The following METTL15 variants were observed in gnomAD, a reference collection of about 807,000 sequenced individuals.
METTL15 encodes the protein 12S rRNA N(4)-cytidine methyltransferase METTL15.
Under a neutral mutation model 38.3 loss-of-function variants are expected in METTL15, and 34 were observed. That is an observed-to-expected ratio of 0.89 (90% CI 0.68 to 1.18). The LOEUF is 1.18. Ranked by LOEUF, METTL15 falls within the 50% of genes most tolerant of loss-of-function variation. The pLI, the probability that METTL15 is intolerant of heterozygous loss-of-function variation, is 0.00. For missense variants in METTL15, 438 were observed against 498.4 expected (o/e 0.88, Z 1.15); for synonymous variants, 162 against 170.9 (o/e 0.95, Z 0.41).
At chr11:28,223,964 G>T (rs1253026430) in intron 4 of METTL15, among the ~76,000 whole-genome samples, 4 of 151,962 alleles carry the variant, frequency 2.6e-5, no homozygotes, top group African/African-American at 9.7e-5. Context: ...ACTAAGTTTA[G>T]AGAATATAGG....
chr11:28,514,000 C>T (rs1479063740), intron 6 of METTL15, among the ~76,000 whole-genome samples: 2 of 152,176 alleles, frequency 1.3e-5, no homozygotes, highest in Non-Finnish European at 2.9e-5. Flanking sequence ...GGGGCCTGTT[C>T]CCAACAATGG....
intron 5 of METTL15, among the ~76,000 whole-genome samples, chr11:28,363,609 G>T (rs58502887): frequency 6.6e-6 from 1 of 152,100 alleles, no homozygotes; most frequent in Non-Finnish European, 1.5e-5. Context: ...TGCATAGTTT[G>T]CAAATATTTT....
chr11:28,163,736 A>G (rs1003886296), intron 3 of METTL15: 4 of 309,224 alleles, frequency 1.3e-5, no homozygotes, highest in Non-Finnish European at 2.3e-5. Context: ...TTAGTGAGCT[A>G]TTTTTATTGT....
chr11:28,524,740 T>C (rs897014537), intron 6 of METTL15, among the ~76,000 whole-genome samples: 2 of 152,132 alleles, frequency 1.3e-5, no homozygotes, highest in South Asian at 4.1e-4. Flanking sequence ...ATACAGTAAA[T>C]TGAAGGGAGC....
intron 4 of METTL15, among the ~76,000 whole-genome samples, chr11:28,249,921 A>G (rs1338663904): frequency 2.6e-5 from 4 of 151,714 alleles, no homozygotes; most frequent in African/African-American, 4.8e-5. Context: ...TTTTTCCCCT[A>G]TGTCCATGTG....
In METTL15 at chr11:28,137,902, A is replaced by G. The variant is rs117693579; in HGVS notation, c.270+24298A>G. Reference sequence around the variant, plus strand: ...ACATAACACATGTATGATTATACAGACACAGACAGAAGAAGATCCAGTAAT... The same window carrying G: ...ACATAACACATGTATGATTATACAGGCACAGACAGAAGAAGATCCAGTAAT... On this transcript the variant is annotated intron_variant, in intron 3 of 6. Coordinates refer to ENST00000407364, the MANE Select transcript of METTL15 (RefSeq NM_001113528.2). Among the ~76,000 whole-genome samples the G allele has an allele frequency of 1.9e-3, 291 of 152,248 alleles. 1 individual carries two copies. The highest frequency in any genetic ancestry group is 6.8e-3 in the Middle Eastern group (2 of 292).
chr11:28,151,028 A>G (rs1386388252), intron 3 of METTL15, among the ~76,000 whole-genome samples: 1 of 151,110 alleles, frequency 6.6e-6, no homozygotes, highest in African/African-American at 2.4e-5. Context: ...AAAAAAAAGA[A>G]AAGGAAAAAA....
Position 28,238,637 on chromosome 11 carries a change from C to T in METTL15, c.407+27439C>T, listed in dbSNP as rs564201338. On this transcript the variant is annotated intron_variant, in intron 4 of 6. Transcript: ENST00000407364. ...ACTGTCCTGCGCCCACTGTCTGGCACTCCCTAGTGAGATGAACCCGGTACC... is the reference window on the plus strand; with the variant it reads ...ACTGTCCTGCGCCCACTGTCTGGCATTCCCTAGTGAGATGAACCCGGTACC... Among the ~76,000 whole-genome samples the T allele has an allele frequency of 2.6e-3, 391 of 152,348 alleles. 4 individuals are homozygous for T. The highest frequency in any genetic ancestry group is 8.6e-3 in the African/African-American group (359 of 41,586).
intron 4 of METTL15, among the ~76,000 whole-genome samples, chr11:28,284,552 G>A (rs1345331860): frequency 6.6e-6 from 1 of 152,032 alleles, no homozygotes; most frequent in Non-Finnish European, 1.5e-5. Flanking sequence ...GACAAAAATT[G>A]TACTTACATT....
At chr11:28,223,080 A>T (rs534651310) in intron 4 of METTL15, among the ~76,000 whole-genome samples, 1 of 152,282 alleles carries the variant, frequency 6.6e-6, no homozygotes, top group East Asian at 1.9e-4. Flanking sequence ...TTAATATAAA[A>T]CACATAATCT....
At chr11:28,213,240 G>C (rs1054196484) in intron 4 of METTL15, among the ~76,000 whole-genome samples, 7 of 151,786 alleles carry the variant, frequency 4.6e-5, no homozygotes, top group African/African-American at 1.7e-4. Context: ...CCAAGAAGAA[G>C]GAATTAGTAC....
In METTL15 at chr11:28,332,674, G is replaced by GC. The variant is rs1415336607; in HGVS notation, c.*1834dup. On this transcript the variant is annotated 3_prime_UTR_variant, in exon 7 of 7. Transcript: ENST00000407364. ...GGTGTTCCTTATAAGAGAAGATAGG[G>GC]CGGGCATGGTGGCTCACGCCTGTAA... The GC allele has an allele frequency of 2.0e-5, 3 of 150,546 alleles. No homozygotes were observed. Among genetic ancestry groups the GC allele is most frequent in the African/African-American group, 7.4e-5 (3 of 40,462 alleles). The allele number at this position is 150,546 out of a possible 1,614,324, so 9.3% of individuals were successfully genotyped here. A position where few individuals can be genotyped will look rare whatever the true frequency, so the allele number is the denominator to read the frequency against.
chr11:28,307,264 A>G (rs1857114729), intron 6 of METTL15, among the ~76,000 whole-genome samples: 1 of 151,964 alleles, frequency 6.6e-6, no homozygotes. Context: ...TATTTATTTA[A>G]TGACTTTCTT....
At chr11:28,161,469 C>T (rs1241291092) in intron 3 of METTL15, among the ~76,000 whole-genome samples, 1 of 151,920 alleles carries the variant, frequency 6.6e-6, no homozygotes, top group Non-Finnish European at 1.5e-5. Context: ...AATTGATGTA[C>T]AAATGGACAC....
chr11:28,500,903 A>G (rs1355764716), intron 6 of METTL15, among the ~76,000 whole-genome samples: 1 of 152,206 alleles, frequency 6.6e-6, no homozygotes, highest in Non-Finnish European at 1.5e-5. Context: ...TGCTATATCT[A>G]TCACATTTCA....
At chr11:28,277,257 GTATCA>G (rs1855878726) in intron 4 of METTL15, among the ~76,000 whole-genome samples, 1 of 152,106 alleles carries the variant, frequency 6.6e-6, no homozygotes, top group African/African-American at 2.4e-5. Context: ...AGAAATTAGT[GTATCA>G]AAGGGATACA....
chr11:28,278,626 C>A (rs1395925715), intron 4 of METTL15, among the ~76,000 whole-genome samples: 1 of 152,108 alleles, frequency 6.6e-6, no homozygotes, highest in Non-Finnish European at 1.5e-5. Context: ...TCTTACTATT[C>A]TAAGGCAATT....
chr11:28,398,818 A>T (rs1055244603), intron 5 of METTL15: 3 of 151,846 alleles, frequency 2.0e-5, no homozygotes, highest in Non-Finnish European at 4.4e-5. Context: ...ACAAATGGAA[A>T]AACATTCCAT....
intron 5 of METTL15, among the ~76,000 whole-genome samples, chr11:28,295,976 G>A (rs1225926843): frequency 6.6e-6 from 1 of 152,028 alleles, no homozygotes. Context: ...GAATTCTTTG[G>A]CCCATTTCCC....
Sources: allele counts gnomAD v4.1 joint callset (sites outside exome capture counted in the v4.1 genomes callset), GRCh38; gene constraint gnomAD v4.1.1; transcripts MANE v1.5; gene names NCBI Gene and HGNC (gene_info 2026-07-23, HGNC 2026-07-21).